Variants in DACH1 observed in about 807,000 individuals in gnomAD.
DACH1 encodes the protein dachshund homolog 1.
A neutral mutation model predicts 54.2 loss-of-function variants in DACH1; 12 were observed. The ratio of observed to expected loss-of-function variants is 0.22; its 90% CI spans 0.14 to 0.36. DACH1 has a LOEUF of 0.36. Among genes scored for constraint, DACH1 ranks in the 10% least tolerant of loss-of-function variants. The pLI, the probability that DACH1 is intolerant of heterozygous loss-of-function variation, is 1.00. For missense variants in DACH1, 805 were observed against 929.8 expected, an observed-to-expected ratio of 0.87 and a Z score of 1.75; for synonymous variants, 386 against 366.2, an observed-to-expected ratio of 1.05 and a Z score of -0.62.
intron 1 of DACH1, among the ~76,000 whole-genome samples, chr13:71,823,199 A>G (rs940920947): frequency 1.3e-5 from 2 of 152,128 alleles, no homozygotes; most frequent in Non-Finnish European, 2.9e-5. Flanking sequence ...CCCTTTTGCA[A>G]GCTGTAAAGA....
chr13:71,478,299 G>C (rs973383474), intron 8 of DACH1, among the ~76,000 whole-genome samples: 3 of 152,088 alleles, frequency 2.0e-5, no homozygotes. Flanking sequence ...CCAACTTCCA[G>C]GAATACACTA....
At chr13:71,730,514 A>G (rs1363839531) in intron 1 of DACH1, among the ~76,000 whole-genome samples, 1 of 152,132 alleles carries the variant, frequency 6.6e-6, no homozygotes, top group Non-Finnish European at 1.5e-5. Context: ...CAATCACAAA[A>G]TGTTTACTTT....
rs1594145056 is a variant in DACH1, at chr13:71,729,788, A to G, written c.849-47878T>C. 3.9e-5 allele frequency among the ~76,000 whole-genome samples: 6 copies of G among 152,264 alleles called. 1 individual carries two copies. In the South Asian group the frequency reaches 1.2e-3, roughly 32 times the overall value. On this transcript the variant is annotated intron_variant, in intron 1 of 10. Transcript: ENST00000613252. The stretch of plus-strand genomic sequence containing the variant: ...AATTACTCAACGTACACTAAAAATA[A>G]TAAAACTTCTCAAAATTGTTTACAA...
chr13:71,600,250 C>A (rs1484792746), intron 3 of DACH1, among the ~76,000 whole-genome samples: 1 of 152,114 alleles, frequency 6.6e-6, no homozygotes, highest in Non-Finnish European at 1.5e-5. Flanking sequence ...CTTTCAAGTT[C>A]TTGGCTCCTT....
At chr13:71,836,905 G>A (rs1286997859) in intron 1 of DACH1, among the ~76,000 whole-genome samples, 7 of 151,862 alleles carry the variant, frequency 4.6e-5, no homozygotes, top group Non-Finnish European at 7.4e-5. Flanking sequence ...TGAGGGTAGG[G>A]ATTTTTATCC....
chr13:71,479,138 A>G (rs1360182453), intron 8 of DACH1, 31 bp downstream of exon 8: 2 of 1,572,160 alleles, frequency 1.3e-6, no homozygotes, highest in Non-Finnish European at 1.7e-6. Context: ...TTTTCTGTAA[A>G]TATTTAACTT....
chr13:71,804,189 T>C (rs1448274592), intron 1 of DACH1, among the ~76,000 whole-genome samples: 1 of 152,028 alleles, frequency 6.6e-6, no homozygotes. Context: ...CGTGGTGGCA[T>C]GCACTTGTAG....
At position 71,438,601 on chromosome 13, in the gene DACH1, A is replaced by T. The variant is rs202008748; in HGVS notation, c.*2054T>A. 3 of 2,670 alleles carry T rather than the reference A, an allele frequency of 1.1e-3. No individual in the cohort carries two copies. In the East Asian group the frequency reaches 0.5, roughly 445 times the overall value. The allele number at this position is 2,670 out of a possible 1,614,324, so 0.2% of individuals were successfully genotyped here. ...TTTAAAACTATTTAATCCACATAAC[A>T]AACAGGTGACTCTATGCCAGGAGCA... On this transcript the variant is annotated 3_prime_UTR_variant, in exon 11 of 11. Transcript: ENST00000613252.
At chr13:71,864,071 G>A (rs1014520037) in intron 1 of DACH1, among the ~76,000 whole-genome samples, 1 of 151,620 alleles carries the variant, frequency 6.6e-6, no homozygotes, top group African/African-American at 2.4e-5. Context: ...GCACGACCAA[G>A]AACTCCAATT....
intron 2 of DACH1, among the ~76,000 whole-genome samples, chr13:71,646,441 A>G (rs1878277593): frequency 1.3e-5 from 2 of 152,172 alleles, no homozygotes; most frequent in Non-Finnish European, 2.9e-5. Context: ...AAAAGTTACT[A>G]ATAAGGAAAA....
intron 1 of DACH1, among the ~76,000 whole-genome samples, chr13:71,785,571 G>A (rs1886556636): frequency 6.6e-6 from 1 of 152,102 alleles, no homozygotes; most frequent in South Asian, 2.1e-4. Flanking sequence ...GTGTACTCTT[G>A]TATCAAGGAG....
intron 1 of DACH1, among the ~76,000 whole-genome samples, chr13:71,763,088 A>C (rs909736721): frequency 4.6e-5 from 7 of 152,186 alleles, no homozygotes; most frequent in African/African-American, 1.7e-4. Flanking sequence ...CATCCTCAAC[A>C]TTCACATGTA....
chr13:71,642,139 A>G (rs747732596), intron 2 of DACH1, among the ~76,000 whole-genome samples: 1 of 152,168 alleles, frequency 6.6e-6, no homozygotes, highest in Non-Finnish European at 1.5e-5. Flanking sequence ...TTTAGACGCA[A>G]TGTCTGTAGT....
intron 5 of DACH1, 27 bp from the exon 6 acceptor site, chr13:71,557,185 A>G (rs1383037264): frequency 6.3e-7 from 1 of 1,587,092 alleles, no homozygotes; most frequent in Non-Finnish European, 8.5e-7. Flanking sequence ...GAAAACAAAC[A>G]AAACAAAACA....
At position 71,475,741 on chromosome 13, in the gene DACH1, T is replaced by C. The variant is rs199543512; in HGVS notation, c.1979A>G (p.Gln660Arg). The change falls in exon 9 of 11, where the codon CAG becomes CGG. Residue 660 changes from glutamine (Q) to arginine (R), a missense_variant. This residue lies in a region of DACH1 where 472 missense variants were observed against 545.3 expected (regional missense o/e 0.87). Coordinates refer to ENST00000613252, the MANE Select transcript of DACH1 (RefSeq NM_080759.6). Reference protein sequence around the residue: ...RREQAEQTLKQAASTDSLRVL... With the variant: ...RREQAEQTLKRAASTDSLRVL... ...CCTGAGACTATCTGTTGAAGCTGCC[T>C]GTTTTAGCGTCTGTTCTGCTTGTTC... 111 of 1,613,370 alleles carry C rather than the reference T, an allele frequency of 6.9e-5. No individual in the cohort carries two copies. The highest frequency in any genetic ancestry group is 9.1e-5 in the Non-Finnish European group (107 of 1,179,874).
chr13:71,774,075 T>G (rs1429311960), intron 1 of DACH1, among the ~76,000 whole-genome samples: 1 of 152,098 alleles, frequency 6.6e-6, no homozygotes, highest in East Asian at 1.9e-4. Flanking sequence ...CAAAATGATA[T>G]TCAGTGATGT....
At chr13:71,645,167 A>G (rs1025799824) in intron 2 of DACH1, among the ~76,000 whole-genome samples, 2 of 152,210 alleles carry the variant, frequency 1.3e-5, no homozygotes, top group Non-Finnish European at 2.9e-5. Context: ...TGCTACTCCA[A>G]GTTTAGGAGG....
intron 1 of DACH1, among the ~76,000 whole-genome samples, chr13:71,763,390 T>TATCCAAGGTGTTGTTA (rs1247374662): frequency 9.2e-5 from 14 of 152,328 alleles, no homozygotes; most frequent in African/African-American, 3.4e-4. Context: ...TTGTTATAGA[T>TATCCAAGGTGTTGTTA]TATTTCCAAG....
intron 1 of DACH1, among the ~76,000 whole-genome samples, chr13:71,842,080 A>G (rs1872895748): frequency 6.6e-6 from 1 of 152,078 alleles, no homozygotes; most frequent in Non-Finnish European, 1.5e-5. Context: ...TGGAATCAGA[A>G]AGCCTCAGAT....
Sources: allele counts gnomAD v4.1 joint callset (sites outside exome capture counted in the v4.1 genomes callset), GRCh38; gene constraint gnomAD v4.1.1; regional missense constraint gnomAD v4.1.1; transcripts MANE v1.5; gene names NCBI Gene and HGNC (gene_info 2026-07-23, HGNC 2026-07-21).